The following LRRC4C variants were observed in gnomAD, a reference collection of about 807,000 sequenced individuals.
LRRC4C encodes the protein leucine-rich repeat-containing protein 4C.
A neutral mutation model predicts 33.6 loss-of-function variants in LRRC4C; 5 were observed. The observed-to-expected ratio is 0.15, with a 90% CI of 0.08 to 0.31. The LOEUF (loss-of-function observed/expected upper bound fraction) is 0.31, where lower values mean the gene tolerates loss of function less well. Among genes scored for constraint, LRRC4C ranks in the 10% least tolerant of loss-of-function variants. The pLI is 1.00. For missense variants in LRRC4C, 560 were observed against 796.7 expected, an observed-to-expected ratio of 0.70 and a Z score of 3.58; for synonymous variants, 329 against 302.0, an observed-to-expected ratio of 1.09 and a Z score of -0.93.
chr11:40,702,446 T>C (rs192117613), intron 2 of LRRC4C, among the ~76,000 whole-genome samples: 8 of 152,296 alleles, frequency 5.3e-5, no homozygotes, highest in Admixed American at 2.0e-4. Flanking sequence ...TTCCATTTTC[T>C]CTTTCCTTCT....
intron 3 of LRRC4C, among the ~76,000 whole-genome samples, chr11:40,472,687 A>G (rs748132225): frequency 1.3e-5 from 2 of 151,796 alleles, no homozygotes; most frequent in Non-Finnish European, 2.9e-5. Flanking sequence ...TTTTTTGAAA[A>G]GATTAACAAA....
chr11:40,175,293 T>C (rs944280012), intron 5 of LRRC4C, among the ~76,000 whole-genome samples: 5 of 152,256 alleles, frequency 3.3e-5, no homozygotes, highest in African/African-American at 1.2e-4. Context: ...ATTTCAAAAT[T>C]TGTAGCAAAA....
rs1300048185 is a variant in LRRC4C, at chr11:40,114,496, G to C, written c.1797C>G (p.Asn599Lys). 1.2e-6 allele frequency: 2 copies of C among 1,614,154 alleles called. No homozygotes were observed. The highest frequency in any genetic ancestry group is 1.7e-6 in the Non-Finnish European group (2 of 1,180,024). The part of the protein sequence containing the change: ...AIEHEHLNHY[N>K]SYKSPFNHTT... ...TGTGGTTGAAGGGAGATTTGTATGA[G>C]TTATAGTGATTTAGGTGCTCATGCT... Residue 599 changes from asparagine (N) to lysine (K), a missense_variant, in exon 7 of 7, where the codon AAC becomes AAG. Coordinates refer to ENST00000528697, the MANE Select transcript of LRRC4C (RefSeq NM_001258419.2).
At chr11:41,283,405 G>A (rs1158239984) in intron 1 of LRRC4C, among the ~76,000 whole-genome samples, 2 of 152,088 alleles carry the variant, frequency 1.3e-5, no homozygotes, top group Non-Finnish European at 1.5e-5. Flanking sequence ...AATAATGCAT[G>A]GATTAGTCTA....
intron 1 of LRRC4C, among the ~76,000 whole-genome samples, chr11:41,349,028 G>A (rs1181277701): frequency 6.6e-6 from 1 of 152,162 alleles, no homozygotes; most frequent in African/African-American, 2.4e-5. Flanking sequence ...TTTCTTGGCT[G>A]CTGGACCTGG....
chr11:41,089,905 C>A (rs908263985), intron 1 of LRRC4C, among the ~76,000 whole-genome samples: 3 of 151,686 alleles, frequency 2.0e-5, no homozygotes, highest in Non-Finnish European at 4.4e-5. Context: ...AAATATTGTG[C>A]ACTTAGAAGT....
chr11:40,972,499 A>G (rs1851795373), intron 1 of LRRC4C, among the ~76,000 whole-genome samples: 2 of 152,156 alleles, frequency 1.3e-5, no homozygotes, highest in Non-Finnish European at 2.9e-5. Context: ...TGATATGGCT[A>G]GTGTATTAGT....
chr11:41,127,110 G>A (rs1565407928), intron 1 of LRRC4C, among the ~76,000 whole-genome samples: 2 of 151,940 alleles, frequency 1.3e-5, no homozygotes, highest in Admixed American at 1.3e-4. Flanking sequence ...CTCTGAGACA[G>A]TATTTTTTCT....
chr11:41,454,892 A>G (rs1362922754), intron 1 of LRRC4C, among the ~76,000 whole-genome samples: 1 of 152,148 alleles, frequency 6.6e-6, no homozygotes, highest in Non-Finnish European at 1.5e-5. Context: ...ATGAGAGAAT[A>G]TATGTGAGCT....
chr11:40,778,712 G>A (rs966933611), intron 2 of LRRC4C, among the ~76,000 whole-genome samples: 2 of 152,168 alleles, frequency 1.3e-5, no homozygotes, highest in African/African-American at 2.4e-5. Flanking sequence ...TGAGATCAGA[G>A]TGACAAGAAT....
At chr11:40,268,981 T>C (rs1413530865) in intron 4 of LRRC4C, among the ~76,000 whole-genome samples, 2 of 152,196 alleles carry the variant, frequency 1.3e-5, no homozygotes, top group Non-Finnish European at 2.9e-5. Context: ...TTGAATTCAG[T>C]ACTTTTTGGC....
chr11:40,404,098 G>C (rs1949868489), intron 3 of LRRC4C, among the ~76,000 whole-genome samples: 1 of 152,150 alleles, frequency 6.6e-6, no homozygotes, highest in Non-Finnish European at 1.5e-5. Flanking sequence ...CTTGTTCGTA[G>C]TGGCAGTTTT....
intron 1 of LRRC4C, among the ~76,000 whole-genome samples, chr11:41,200,285 T>C (rs189347965): frequency 1.3e-5 from 2 of 152,242 alleles, no homozygotes; most frequent in East Asian, 3.9e-4. Context: ...TATACATAAA[T>C]TATTCTGAAA....
intron 4 of LRRC4C, chr11:40,292,257 C>T (rs1225907475): frequency 6.6e-6 from 1 of 151,980 alleles, no homozygotes; most frequent in Non-Finnish European, 1.5e-5. Flanking sequence ...CAAGAGAAAA[C>T]GCATGATCTT....
At chr11:41,251,670 C>T (rs74908478) in intron 1 of LRRC4C, among the ~76,000 whole-genome samples, 2,870 of 152,248 alleles carry the variant, frequency 0.019, 90 homozygotes, top group African/African-American at 0.066. Flanking sequence ...ACTACCAGAA[C>T]TGACTGACAA....
intron 3 of LRRC4C, among the ~76,000 whole-genome samples, chr11:40,506,955 A>G (rs1302935315): frequency 6.6e-6 from 1 of 152,166 alleles, no homozygotes; most frequent in African/African-American, 2.4e-5. Flanking sequence ...AAACACACAC[A>G]TAAAACATAC....
intron 4 of LRRC4C, among the ~76,000 whole-genome samples, chr11:40,274,721 G>A (rs754813740): frequency 1.3e-5 from 2 of 152,042 alleles, no homozygotes; most frequent in African/African-American, 2.4e-5. Flanking sequence ...ATACCAGAGA[G>A]CATCACAGAC....
chr11:40,567,644 T>C (rs2135545482), intron 3 of LRRC4C, among the ~76,000 whole-genome samples: 1 of 152,318 alleles, frequency 6.6e-6, no homozygotes, highest in East Asian at 1.9e-4. Context: ...TGTAATGAAG[T>C]TTGACATACA....
At chr11:41,266,480 A>T (rs1477239458) in intron 1 of LRRC4C, among the ~76,000 whole-genome samples, 1 of 152,142 alleles carries the variant, frequency 6.6e-6, no homozygotes, top group Admixed American at 6.6e-5. Context: ...AATTTGTTCA[A>T]AAGAGAAAAA....
Sources: gnomAD v4.1 joint callset for allele counts (sites outside exome capture counted in the v4.1 genomes callset) on GRCh38, gnomAD v4.1.1 for gene constraint, MANE v1.5 for transcripts, NCBI Gene and HGNC (gene_info 2026-07-23, HGNC 2026-07-21) for gene names.